DHRSX: variants seen among roughly 807,000 people sequenced by gnomAD.
The protein encoded by DHRSX is polyprenol dehydrogenase.
In DHRSX, 31 loss-of-function variants were observed where a neutral mutation model predicts 34.0. The ratio of observed to expected loss-of-function variants is 0.91; its 90% confidence interval spans 0.69 to 1.23. DHRSX has a LOEUF of 1.23. DHRSX is among the 50% of genes most tolerant of loss of function. DHRSX has a pLI of 0.00. For missense variants in DHRSX, 414 were observed against 428.1 expected, an observed-to-expected ratio of 0.97 and a Z score of 0.29; for synonymous variants, 201 against 183.8, an observed-to-expected ratio of 1.09 and a Z score of -0.76.
At chrX:2,292,691 C>A (rs1021429509) in intron 3 of DHRSX, among the ~76,000 whole-genome samples, 2 of 152,148 alleles carry the variant, frequency 1.3e-5, no homozygotes, top group South Asian at 4.1e-4. Context: ...TATTTTGTTA[C>A]AGGGCATATG....
At position 2,408,696 on chromosome X, in the gene DHRSX, C is replaced by G; in HGVS notation, c.286+49G>C. On this transcript the variant is annotated intron_variant, in intron 3 of 6. Transcript: ENST00000334651. Reference sequence around the variant, plus strand: ...CCATGAACCACGCAAACGACCTGTCCCAAGGAAAAAAAAAAACAAAAAAAA... The same window carrying G: ...CCATGAACCACGCAAACGACCTGTCGCAAGGAAAAAAAAAAACAAAAAAAA... 4.6e-6 allele frequency: 7 copies of G among 1,512,544 alleles called. No homozygotes were observed. In the South Asian group the frequency reaches 8.6e-5, roughly 18 times the overall value. 93.7% of individuals were successfully genotyped at this position (1,512,544 alleles called of 1,614,324 possible). A position where few individuals can be genotyped will look rare whatever the true frequency, so the allele number is the denominator to read the frequency against.
chrX:2,293,807 G>A (rs2041895783), intron 3 of DHRSX, among the ~76,000 whole-genome samples: 1 of 149,232 alleles, frequency 6.7e-6, no homozygotes, highest in Non-Finnish European at 1.5e-5. Context: ...AGGATAAGCA[G>A]TGTGTGTGTG....
intron 1 of DHRSX, among the ~76,000 whole-genome samples, chrX:2,499,655 C>G (rs1297973900): frequency 1.3e-5 from 2 of 152,050 alleles, no homozygotes; most frequent in Non-Finnish European, 2.9e-5. Flanking sequence ...GCCTGTAAAC[C>G]CAGCACTTTG....
chrX:2,396,828 G>A (rs2043418517), intron 3 of DHRSX, among the ~76,000 whole-genome samples: 1 of 145,284 alleles, frequency 6.9e-6, no homozygotes, highest in South Asian at 2.2e-4. Flanking sequence ...GCAATACCAC[G>A]ATCTCGGCTC....
intron 1 of DHRSX, among the ~76,000 whole-genome samples, chrX:2,484,716 A>G (rs1421910144): frequency 6.6e-6 from 1 of 152,136 alleles, no homozygotes; most frequent in Admixed American, 6.6e-5. Flanking sequence ...TCACTGGGAA[A>G]GGACGGGGCG....
chrX:2,245,035 A>G (rs1400126219), intron 5 of DHRSX, among the ~76,000 whole-genome samples: 3 of 152,188 alleles, frequency 2.0e-5, no homozygotes, highest in African/African-American at 4.8e-5. Context: ...ACCACATGGT[A>G]TATGTATCCT....
chrX:2,242,999 A>T (rs759375209), intron 6 of DHRSX, 24 bp downstream of exon 6: 1 of 1,607,036 alleles, frequency 6.2e-7, no homozygotes, highest in South Asian at 1.1e-5. Context: ...GCAGCCGTGA[A>T]TCAGAGAAGC....
At chrX:2,237,531 G>A (rs772452644) in intron 6 of DHRSX, among the ~76,000 whole-genome samples, 11 of 150,598 alleles carry the variant, frequency 7.3e-5, no homozygotes, top group South Asian at 2.1e-4. Flanking sequence ...TTGAGATGGA[G>A]TTTCGCTCTT....
At chrX:2,306,213 C>T (rs1018667172) in intron 3 of DHRSX, among the ~76,000 whole-genome samples, 1 of 146,740 alleles carries the variant, frequency 6.8e-6, no homozygotes, top group Non-Finnish European at 1.5e-5. Flanking sequence ...CAATCAGCAT[C>T]TTTTTTTTTT....
chrX:2,308,899 A>AGGAAG (rs71914744), intron 3 of DHRSX, among the ~76,000 whole-genome samples: 31,298 of 145,276 alleles, frequency 0.22, 3,492 homozygotes, highest in African/African-American at 0.27. Flanking sequence ...GAAGGAAGGA[A>AGGAAG]GAAGGAGAAA....
chrX:2,285,515 T>C (rs1171452980), intron 4 of DHRSX, among the ~76,000 whole-genome samples: 5 of 152,168 alleles, frequency 3.3e-5, no homozygotes, highest in Non-Finnish European at 5.9e-5. Context: ...CAGGCAGTCA[T>C]GTGAACAATG....
chrX:2,474,697 G>A (rs66517453), intron 1 of DHRSX, among the ~76,000 whole-genome samples: 30,987 of 146,846 alleles, frequency 0.21, 4,195 homozygotes, highest in African/African-American at 0.4. Flanking sequence ...TTCCCTAAGT[G>A]TGTGGCTAAG....
At chrX:2,471,920 C>T (rs966810439) in intron 1 of DHRSX, among the ~76,000 whole-genome samples, 11 of 151,768 alleles carry the variant, frequency 7.2e-5, no homozygotes, top group African/African-American at 2.7e-4. Flanking sequence ...CCGTGGAGGG[C>T]AGATTAACTG....
chrX:2,266,630 G>A (rs2041477977), intron 5 of DHRSX, 110 bp downstream of exon 5: 10 of 1,102,750 alleles, frequency 9.1e-6, no homozygotes, highest in Non-Finnish European at 1.4e-5. Context: ...TGTTCCCAGA[G>A]CACCAGCGTC....
At chrX:2,299,638 T>C (rs1169649235) in intron 3 of DHRSX, among the ~76,000 whole-genome samples, 1 of 152,080 alleles carries the variant, frequency 6.6e-6, no homozygotes, top group African/African-American at 2.4e-5. Context: ...GTGGATCACC[T>C]GAGGTCAGGA....
At chrX:2,468,656 T>C (rs1413424990) in intron 1 of DHRSX, among the ~76,000 whole-genome samples, 1 of 151,420 alleles carries the variant, frequency 6.6e-6, no homozygotes, top group East Asian at 2.0e-4. Flanking sequence ...TCCCTAAGAA[T>C]GTGGCCAAGG....
At chrX:2,257,016 C>A (rs1318622681) in intron 5 of DHRSX, among the ~76,000 whole-genome samples, 3 of 152,214 alleles carry the variant, frequency 2.0e-5, no homozygotes, top group South Asian at 4.1e-4. Context: ...GTGGTGCGAT[C>A]TTGGCTCACT....
At chrX:2,399,987 G>A (rs1312779141) in intron 3 of DHRSX, among the ~76,000 whole-genome samples, 7 of 152,096 alleles carry the variant, frequency 4.6e-5, no homozygotes, top group Non-Finnish European at 1.0e-4. Context: ...AGTGAGCTAT[G>A]ATCACACCAC....
chrX:2,330,878 G>T (rs1345398118), intron 3 of DHRSX, among the ~76,000 whole-genome samples: 1 of 152,080 alleles, frequency 6.6e-6, no homozygotes, highest in Admixed American at 6.6e-5. Flanking sequence ...GAAGAAAAGA[G>T]AATGAGCAAA....
Sources: gnomAD v4.1 joint callset for allele counts (sites outside exome capture counted in the v4.1 genomes callset) on GRCh38, gnomAD v4.1.1 for gene constraint, MANE v1.5 for transcripts, NCBI Gene and HGNC (gene_info 2026-07-23, HGNC 2026-07-21) for gene names.